Variants in CFAP46 observed in about 807,000 individuals in gnomAD.
The protein encoded by CFAP46 is cilia and flagella associated protein 46, also known as cilia- and flagella-associated protein 46.
A neutral mutation model predicts 325.7 loss-of-function variants in CFAP46; 245 were observed. The ratio of observed to expected loss-of-function variants is 0.75; its 90% CI spans 0.68 to 0.84. The LOEUF (loss-of-function observed/expected upper bound fraction) is 0.84, where lower values mean the gene tolerates loss of function less well. Among genes scored for constraint, CFAP46 ranks in the 40% least tolerant of loss-of-function variants. The pLI is 0.00. For synonymous variants in CFAP46, 1,523 were observed against 1,495.9 expected, an observed-to-expected ratio of 1.02 and a Z score of -0.42; for missense variants, 3,346 against 3,543.0, an observed-to-expected ratio of 0.94 and a Z score of 1.41.
intron 54 of CFAP46, 103 bp downstream of exon 54, chr10:132,814,049 T>A (rs1367802600): frequency 1.2e-6 from 1 of 813,624 alleles, no homozygotes; most frequent in Admixed American, 2.0e-5. Context: ...GTGGCAGGAC[T>A]GGCAGGGCAG....
At chr10:132,908,418 C>A in intron 22 of CFAP46, 50 bp downstream of exon 22, 1 of 1,543,178 alleles carries the variant, frequency 6.5e-7, no homozygotes, top group Non-Finnish European at 8.8e-7. Context: ...CCCAGGCCTG[C>A]GCTCCCTGCC....
intron 31 of CFAP46, among the ~76,000 whole-genome samples, 159 bp from the exon 32 acceptor site, chr10:132,872,983 G>A (rs1057300536): frequency 5.9e-5 from 9 of 152,260 alleles, no homozygotes; most frequent in African/African-American, 1.2e-4. Flanking sequence ...TGCTCAGTGC[G>A]TTTCTGTGGG....
intron 47 of CFAP46, 48 bp from the exon 48 acceptor site, chr10:132,834,823 C>T: frequency 6.3e-7 from 1 of 1,584,084 alleles, no homozygotes; most frequent in Non-Finnish European, 8.6e-7. Context: ...GGGCGCATGG[C>T]CCAGACCCCG....
rs577738890 is a variant in CFAP46, at chr10:132,811,561, C to T, written c.7502-530G>A. 2.6e-5 allele frequency among the ~76,000 whole-genome samples: 4 copies of T among 152,308 alleles called. No homozygotes were observed. The East Asian group carries it at 5.8e-4, about 22-fold the overall frequency. ...TGGTCACCCTGGCCTGGGCCCTCCA[C>T]GGAAGCAGGGATCGGGGGCCAGGGC... On this transcript the variant is annotated intron_variant, in intron 55 of 57. Transcript: ENST00000368586.
Position 132,867,479 on chromosome 10 carries a change from C to G in CFAP46, c.4639G>C (p.Glu1547Gln). The G allele has an allele frequency of 6.5e-7, 1 of 1,550,314 alleles. No homozygotes were observed. The highest frequency in any genetic ancestry group is 8.7e-7 in the Non-Finnish European group (1 of 1,146,956). ...TCTAATAAAGGCTCCTTATTTTTCT[C>G]TTTTTTCAACGCGATCTCTTTTCTG... ...SCRKEIALKKEKNKEPLLEES... is the reference protein window; with the variant it reads ...SCRKEIALKKQKNKEPLLEES... Residue 1547 changes from glutamate (E) to glutamine (Q), a missense_variant, in exon 34 of 58, where the codon GAG becomes CAG. Glu to Gln is a conservative substitution (Grantham distance 29, BLOSUM62 2). Coordinates refer to ENST00000368586, the MANE Select transcript of CFAP46 (RefSeq NM_001200049.3).
At position 132,859,222 on chromosome 10, in the gene CFAP46, C is replaced by T; in HGVS notation, c.5224G>A (p.Ala1742Thr). ...ARCLSLRVRV[A>T]QHSAVTEPTE... ...GGTTCAGTGACCGCTGAGTGCTGCGCAACTCTGACCCGCAGGCTCAGGCAC... is the reference window on the plus strand; with the variant it reads ...GGTTCAGTGACCGCTGAGTGCTGCGTAACTCTGACCCGCAGGCTCAGGCAC... The change falls in exon 38 of 58, where the codon GCG becomes ACG. Residue 1742 changes from alanine (A) to threonine (T), a missense_variant. Ala to Thr is a moderately conservative substitution (Grantham distance 58). Coordinates refer to ENST00000368586, the MANE Select transcript of CFAP46 (RefSeq NM_001200049.3). 1 of 1,549,642 alleles carries T rather than the reference C, an allele frequency of 6.5e-7. No individual in the cohort carries two copies. The highest frequency in any genetic ancestry group is 2.4e-5 in the East Asian group (1 of 40,896).
rs116078472 is a variant in CFAP46, at chr10:132,808,672, C to G, written c.7897G>C (p.Ala2633Pro). Residue 2633 changes from alanine (A) to proline (P), a missense_variant, in exon 58 of 58, where the codon GCT becomes CCT. By Grantham distance (27) the Ala-to-Pro change is conservative. Coordinates refer to ENST00000368586, the MANE Select transcript of CFAP46 (RefSeq NM_001200049.3). The surrounding 1 kb of genome is among the most constrained non-coding windows in gnomAD (Gnocchi z 6.8). Reference protein sequence around the residue: ...LPAPIPSSQLALPFLGLSPAL... With the variant: ...LPAPIPSSQLPLPFLGLSPAL... Reference sequence around the variant, plus strand: ...GGGGAGAGGCCCAGGAAGGGGAGAGCGAGCTGGGAGCTGGGGATGGGAGCC... The same window carrying G: ...GGGGAGAGGCCCAGGAAGGGGAGAGGGAGCTGGGAGCTGGGGATGGGAGCC... 38 of 1,581,628 alleles carry G rather than the reference C, an allele frequency of 2.4e-5. No homozygotes were observed. The African/African-American group carries it at 5.0e-4, about 21-fold the overall frequency.
At chr10:132,822,244 G>T (rs1847868891) in intron 50 of CFAP46, among the ~76,000 whole-genome samples, 1 of 137,404 alleles carries the variant, frequency 7.3e-6, no homozygotes, top group Non-Finnish European at 1.5e-5. Flanking sequence ...TGTGTGCTGT[G>T]TGTGCGCTGA....
At chr10:132,885,330 C>A in intron 26 of CFAP46, 44 bp from the exon 27 acceptor site, 1 of 1,506,410 alleles carries the variant, frequency 6.6e-7, no homozygotes. Context: ...GATCGGGTGG[C>A]AGAATTTTAA....
At chr10:132,822,618 T>G (rs1434653039) in intron 50 of CFAP46, among the ~76,000 whole-genome samples, 1 of 139,278 alleles carries the variant, frequency 7.2e-6, no homozygotes, top group Non-Finnish European at 1.5e-5. Context: ...CTGTGTGTTG[T>G]GTGAGTGCTG....
chr10:132,865,772 C>T (rs757615045), intron 35 of CFAP46, among the ~76,000 whole-genome samples: 8 of 152,196 alleles, frequency 5.3e-5, no homozygotes, highest in South Asian at 2.1e-4. Flanking sequence ...CCAAGAGAAA[C>T]GAGAGGTTGC....
At chr10:132,907,480 A>T (rs1357830628) in intron 22 of CFAP46, among the ~76,000 whole-genome samples, 1 of 152,222 alleles carries the variant, frequency 6.6e-6, no homozygotes, top group African/African-American at 2.4e-5. Context: ...GACTCTGGAG[A>T]GTGAGCGAGG....
chr10:132,917,121 T>C (rs1849652451), intron 16 of CFAP46, among the ~76,000 whole-genome samples: 1 of 152,240 alleles, frequency 6.6e-6, no homozygotes, highest in Non-Finnish European at 1.5e-5. Flanking sequence ...GGTTCTGCCA[T>C]GTGGCCTCCG....
chr10:132,868,657 G>C (rs1036479148), intron 33 of CFAP46, among the ~76,000 whole-genome samples: 3 of 152,254 alleles, frequency 2.0e-5, no homozygotes, highest in Non-Finnish European at 4.4e-5. Context: ...TATGCTGAAT[G>C]ATGGGGCCAA....
At chr10:132,897,469 C>T (rs1324455631) in intron 24 of CFAP46, among the ~76,000 whole-genome samples, 1 of 152,234 alleles carries the variant, frequency 6.6e-6, no homozygotes, top group East Asian at 1.9e-4. Context: ...CGCCGCACAC[C>T]GCAGGTTGGT....
chr10:132,922,654 C>G lies in CFAP46; in HGVS notation c.1311G>C (p.Glu437Asp), dbSNP rs1006306813. The G allele has an allele frequency of 6.5e-7, 1 of 1,550,020 alleles. No individual in the cohort carries two copies. The highest frequency in any genetic ancestry group is 8.7e-7 in the Non-Finnish European group (1 of 1,146,822). The change falls in exon 12 of 58, where the codon GAG (glutamate) becomes GAC (aspartate). Residue 437 changes from glutamate (E) to aspartate (D), a missense_variant. Glu to Asp is a conservative substitution (Grantham distance 45, BLOSUM62 2). Transcript: ENST00000368586. ...QVHMEMAQIE[E>D]DEDRLEPATE... ...TGGCGGGCTCCAGCCGGTCCTCGTC[C>G]TCCTCGATCTGCGCCATCTCCATGT...
In CFAP46 at chr10:132,808,560, C is replaced by T; in HGVS notation, c.8009G>A (p.Cys2670Tyr). ...AAWTSSSACL[C>Y]APWGLRRGWS... ...GCCCCGACGCAGACCCCATGGCGCACACAGGCAGGCAGAGCTCGAGGTCCA... is the reference window on the plus strand; with the variant it reads ...GCCCCGACGCAGACCCCATGGCGCATACAGGCAGGCAGAGCTCGAGGTCCA... The change falls in exon 58 of 58, where the codon TGT becomes TAT. Residue 2670 changes from cysteine to tyrosine, a missense_variant. Transcript: ENST00000368586. The surrounding 1 kb of genome is among the most constrained non-coding windows in gnomAD (Gnocchi z 6.8). The T allele has an allele frequency of 6.2e-7, 1 of 1,612,922 alleles. No individual in the cohort carries two copies. Among genetic ancestry groups the T allele is most frequent in the Non-Finnish European group, 8.5e-7 (1 of 1,179,922 alleles).
At chr10:132,893,561 T>C (rs1021200233) in intron 24 of CFAP46, among the ~76,000 whole-genome samples, 2 of 152,190 alleles carry the variant, frequency 1.3e-5, no homozygotes, top group Admixed American at 1.3e-4. Flanking sequence ...CCCAATAAAA[T>C]CCTGCCTTTC....
Position 132,908,149 on chromosome 10 carries a change from G to A in CFAP46, c.2924+319C>T, listed in dbSNP as rs532995417. Among the ~76,000 whole-genome samples the A allele has an allele frequency of 9.8e-4, 149 of 152,364 alleles. 1 individual carries two copies. The highest frequency in any genetic ancestry group is 2.0e-3 in the Admixed American group (31 of 15,310). On this transcript the variant is annotated intron_variant, in intron 22 of 57. Coordinates refer to ENST00000368586, the MANE Select transcript of CFAP46 (RefSeq NM_001200049.3). ...TGCTGACTTGTCCATGAGGGCACGG[G>A]GCCGGCAGGACGGAGGCTGCCTGTG...
Sources: gnomAD v4.1 joint callset for allele counts (sites outside exome capture counted in the v4.1 genomes callset) on GRCh38, gnomAD v4.1.1 for gene constraint, Gnocchi (gnomAD v3.1) non-coding constraint, MANE v1.5 for transcripts, NCBI Gene and HGNC (gene_info 2026-07-23, HGNC 2026-07-21) for gene names.